PCDH15: variants seen among roughly 807,000 people sequenced by gnomAD.
The protein encoded by PCDH15 is protocadherin related 15, also known as protocadherin-15.
In PCDH15, 129 loss-of-function variants were observed where a neutral mutation model predicts 178.5. That is an observed-to-expected ratio of 0.72 (90% CI 0.63 to 0.84). PCDH15 has a LOEUF of 0.84. PCDH15 is among the 40% of genes least tolerant of loss of function. The pLI is 0.00. For synonymous variants in PCDH15, 800 were observed against 732.0 expected (o/e 1.09, Z -1.50); for missense variants, 2,230 against 2,099.9 (o/e 1.06, Z -1.21).
At chr10:54,278,410 T>C (rs887327289) in intron 8 of PCDH15, among the ~76,000 whole-genome samples, 1 of 151,608 alleles carries the variant, frequency 6.6e-6, no homozygotes, top group Non-Finnish European at 1.5e-5. Flanking sequence ...TTTAATAACA[T>C]ATTTTTAAAA....
At chr10:55,301,346 C>T (rs1843273405) in intron 1 of PCDH15, among the ~76,000 whole-genome samples, 2 of 152,062 alleles carry the variant, frequency 1.3e-5, no homozygotes, top group Non-Finnish European at 2.9e-5. Context: ...CTTGCATTTC[C>T]TTAATGGCTA....
At chr10:54,445,915 C>A (rs2076115918) in intron 3 of PCDH15, among the ~76,000 whole-genome samples, 1 of 151,546 alleles carries the variant, frequency 6.6e-6, no homozygotes, top group South Asian at 2.1e-4. Flanking sequence ...TAGCAGGTTG[C>A]ATTTCAGTTT....
intron 2 of PCDH15, among the ~76,000 whole-genome samples, chr10:55,001,064 C>G (rs1372610272): frequency 6.6e-6 from 1 of 152,154 alleles, no homozygotes; most frequent in Non-Finnish European, 1.5e-5. Flanking sequence ...TATGCAACTT[C>G]TCCTCTCCTC....
chr10:55,458,843 A>G (rs887436217), intron 2 of PCDH15, among the ~76,000 whole-genome samples: 2 of 152,086 alleles, frequency 1.3e-5, no homozygotes, highest in Non-Finnish European at 2.9e-5. Context: ...GACAATACGT[A>G]CAGACTAGTG....
At chr10:55,008,488 C>A (rs1017026345) in intron 2 of PCDH15, among the ~76,000 whole-genome samples, 1 of 152,152 alleles carries the variant, frequency 6.6e-6, no homozygotes, top group Non-Finnish European at 1.5e-5. Context: ...ATCCTCTACA[C>A]GCCTCTGTTC....
chr10:54,229,337 CTG>C lies in PCDH15; in HGVS notation c.985+7484_985+7485del, dbSNP rs1239300011. Reference sequence around the variant, plus strand: ...TATATGAACATTGAAAATTTAATGACTGATAAAATACATGTATAATTCTTAAA... The same window carrying C: ...TATATGAACATTGAAAATTTAATGACATAAAATACATGTATAATTCTTAAA... On this transcript the variant is annotated intron_variant, in intron 9 of 37. Coordinates refer to ENST00000644397, the MANE Select transcript of PCDH15 (RefSeq NM_001384140.1). 2.0e-5 allele frequency among the ~76,000 whole-genome samples: 3 copies of C among 152,092 alleles called. No individual in the cohort carries two copies. The East Asian group carries it at 5.8e-4, about 29-fold the overall frequency.
chr10:54,290,368 C>T (rs191576962), intron 8 of PCDH15, among the ~76,000 whole-genome samples: 1 of 152,252 alleles, frequency 6.6e-6, no homozygotes, highest in East Asian at 1.9e-4. Flanking sequence ...CACCACCAGG[C>T]CTGCCTTACA....
At chr10:54,238,315 TA>T (rs908965058) in intron 8 of PCDH15, among the ~76,000 whole-genome samples, 6 of 151,992 alleles carry the variant, frequency 3.9e-5, no homozygotes, top group Admixed American at 3.9e-4. Flanking sequence ...GATGGCATGC[TA>T]AAAAAAGAGC....
At chr10:54,166,736 C>T (rs889935999) in intron 13 of PCDH15, among the ~76,000 whole-genome samples, 1 of 151,362 alleles carries the variant, frequency 6.6e-6, no homozygotes, top group African/African-American at 2.4e-5. Context: ...CTTATACGCC[C>T]AGATGGCCTG....
intron 2 of PCDH15, among the ~76,000 whole-genome samples, chr10:55,123,065 G>T (rs971617614): frequency 2.0e-5 from 3 of 151,716 alleles, no homozygotes; most frequent in Admixed American, 6.6e-5. Flanking sequence ...CATGGAAAAA[G>T]GTAGGATATC....
intron 28 of PCDH15, among the ~76,000 whole-genome samples, chr10:53,845,757 G>A (rs2077929792): frequency 6.6e-6 from 1 of 151,430 alleles, no homozygotes; most frequent in African/African-American, 2.4e-5. Flanking sequence ...AATGGTTAAT[G>A]GATACAAAAA....
intron 2 of PCDH15, among the ~76,000 whole-genome samples, chr10:55,455,350 G>T (rs1382591440): frequency 6.6e-6 from 1 of 151,920 alleles, no homozygotes; most frequent in East Asian, 1.9e-4. Context: ...ATATTCTTCT[G>T]TGTGTTCACA....
chr10:54,615,852 G>C (rs1323629662), intron 2 of PCDH15, among the ~76,000 whole-genome samples: 1 of 152,016 alleles, frequency 6.6e-6, no homozygotes, highest in African/African-American at 2.4e-5. Flanking sequence ...TAAATACAGA[G>C]ATAAGTTTTT....
chr10:54,598,088 G>T (rs1264370761), intron 2 of PCDH15, among the ~76,000 whole-genome samples: 1 of 151,862 alleles, frequency 6.6e-6, no homozygotes, highest in Non-Finnish European at 1.5e-5. Flanking sequence ...TACTGAAACG[G>T]TTCCCCCACA....
intron 12 of PCDH15, 94 bp downstream of exon 12, chr10:54,185,040 T>C (rs2048363840): frequency 1.4e-6 from 2 of 1,457,118 alleles, no homozygotes; most frequent in South Asian, 2.4e-5. Flanking sequence ...TCATTGATTT[T>C]TTCAGTTTTA....
intron 2 of PCDH15, among the ~76,000 whole-genome samples, chr10:54,994,787 C>G (rs551114618): frequency 6.6e-6 from 1 of 152,118 alleles, no homozygotes; most frequent in Admixed American, 6.5e-5. Flanking sequence ...ACAACCTAAT[C>G]TACAACCATT....
intron 32 of PCDH15, chr10:53,823,102 T>G: frequency 6.2e-7 from 1 of 1,614,118 alleles, no homozygotes; most frequent in Non-Finnish European, 8.5e-7. Flanking sequence ...CTCTGTGAAA[T>G]GTCTGAATTT....
chr10:55,184,297 C>T (rs570739093), intron 1 of PCDH15, among the ~76,000 whole-genome samples: 17 of 152,014 alleles, frequency 1.1e-4, no homozygotes, highest in African/African-American at 2.4e-4. Flanking sequence ...TGGACTCATC[C>T]GTACTGCCAT....
chr10:54,932,690 C>T (rs771331145), intron 2 of PCDH15, among the ~76,000 whole-genome samples: 3 of 152,056 alleles, frequency 2.0e-5, no homozygotes, highest in Non-Finnish European at 4.4e-5. Context: ...GCCTGTGCCA[C>T]CATGCCCAGC....
Sources: gnomAD v4.1 joint callset for allele counts (sites outside exome capture counted in the v4.1 genomes callset) on GRCh38, gnomAD v4.1.1 for gene constraint, MANE v1.5 for transcripts, NCBI Gene and HGNC (gene_info 2026-07-23, HGNC 2026-07-21) for gene names.